Variants in PLCG2 observed in about 807,000 individuals in gnomAD.
PLCG2 encodes the protein 1-phosphatidylinositol 4,5-bisphosphate phosphodiesterase gamma-2.
PLCG2 carries 69 observed loss-of-function variants against 175.6 expected under a neutral mutation model. The ratio of observed to expected loss-of-function variants is 0.39; its 90% CI spans 0.32 to 0.48. The LOEUF (loss-of-function observed/expected upper bound fraction) is 0.48, where lower values mean the gene tolerates loss of function less well. Ranked by LOEUF, PLCG2 falls within the 20% of genes least tolerant of loss-of-function variation. PLCG2 has a pLI of 0.91. For missense variants in PLCG2, 1,798 were observed against 1,650.9 expected, an observed-to-expected ratio of 1.09 and a Z score of -1.54; for synonymous variants, 827 against 624.0, an observed-to-expected ratio of 1.33 and a Z score of -4.85.
chr16:81,950,382 G>A (rs1333096688), intron 31 of PLCG2, among the ~76,000 whole-genome samples: 1 of 152,118 alleles, frequency 6.6e-6, no homozygotes, highest in Non-Finnish European at 1.5e-5. Context: ...GGATATAAAA[G>A]TCATTAGCAA....
At chr16:81,773,908 C>T (rs992690205) in intron 2 of PLCG2, among the ~76,000 whole-genome samples, 5 of 152,126 alleles carry the variant, frequency 3.3e-5, no homozygotes, top group African/African-American at 4.8e-5. Flanking sequence ...CTGTGCCCAT[C>T]ATGCAGGACT....
Position 81,912,734 on chromosome 16 carries a change from A to C in PLCG2, c.2054+18A>C. 6.3e-7 allele frequency: 1 copy of C among 1,583,024 alleles called. No homozygotes were observed. The highest frequency in any genetic ancestry group is 8.6e-7 in the Non-Finnish European group (1 of 1,165,468). ...ACCTTCAGGTGGGTGCGAGGGTGGG[A>C]GGCACATGCTCTACAGAGGGGCTTG... On this transcript the variant is annotated intron_variant, in intron 19 of 32. Coordinates refer to ENST00000564138, the MANE Select transcript of PLCG2 (RefSeq NM_002661.5).
At chr16:81,882,717 G>A (rs1295191159) in intron 8 of PLCG2, among the ~76,000 whole-genome samples, 1 of 151,420 alleles carries the variant, frequency 6.6e-6, no homozygotes, top group Admixed American at 6.6e-5. Flanking sequence ...GGTACTCTCT[G>A]CACCTCCTTC....
chr16:81,843,352 C>G (rs1236009931), intron 2 of PLCG2, among the ~76,000 whole-genome samples: 1 of 152,198 alleles, frequency 6.6e-6, no homozygotes, highest in Non-Finnish European at 1.5e-5. Context: ...TACGTGCACA[C>G]TTACAAATAG....
At chr16:81,941,805 G>A (rs1008638043) in intron 30 of PLCG2, among the ~76,000 whole-genome samples, 10 of 151,700 alleles carry the variant, frequency 6.6e-5, no homozygotes, top group Non-Finnish European at 1.2e-4. Flanking sequence ...TCAGTAGCTG[G>A]GACTACAGGT....
intron 2 of PLCG2, among the ~76,000 whole-genome samples, chr16:81,827,551 C>T (rs544628898): frequency 2.1e-4 from 32 of 152,120 alleles, no homozygotes; most frequent in Non-Finnish European, 2.8e-4. Context: ...AACATAAATA[C>T]CTGCAGGCAG....
chr16:81,742,077 G>T (rs758397666), intron 1 of PLCG2, among the ~76,000 whole-genome samples: 1 of 139,474 alleles, frequency 7.2e-6, no homozygotes, highest in African/African-American at 2.8e-5. Context: ...AATTCTACTC[G>T]CTTCCTCCAT....
intron 2 of PLCG2, among the ~76,000 whole-genome samples, chr16:81,851,514 T>C (rs143840723): frequency 7.0e-4 from 107 of 152,200 alleles, no homozygotes; most frequent in African/African-American, 2.5e-3. Flanking sequence ...CTTTTTGTTG[T>C]TGTTGTTGTT....
intron 1 of PLCG2, among the ~76,000 whole-genome samples, chr16:81,749,498 G>A (rs1157178007): frequency 3.9e-5 from 6 of 152,034 alleles, no homozygotes; most frequent in South Asian, 2.1e-4. Flanking sequence ...GATTACAGGC[G>A]CCTGCCACCA....
intron 7 of PLCG2, among the ~76,000 whole-genome samples, chr16:81,879,377 A>G (rs945582512): frequency 3.3e-5 from 5 of 152,210 alleles, no homozygotes; most frequent in Admixed American, 6.5e-5. Flanking sequence ...TTACACATCA[A>G]CGAAAGGAAG....
At position 81,908,476 on chromosome 16, in the gene PLCG2, A is replaced by G; in HGVS notation, c.1618A>G (p.Arg540Gly). 6.2e-7 allele frequency: 1 copy of G among 1,614,168 alleles called. No homozygotes were observed. The highest frequency in any genetic ancestry group is 8.5e-7 in the Non-Finnish European group (1 of 1,180,014). Residue 540 changes from arginine (R) to glycine (G), a missense_variant, in exon 17 of 33, where the codon AGG (arginine) becomes GGG (glycine). Physicochemically the swap from Arg to Gly is moderately radical, Grantham distance 125 (BLOSUM62 -2). Transcript: ENST00000564138. ...EKWFHKKVEKRTSAEKLLQEY... is the reference protein window; with the variant it reads ...EKWFHKKVEKGTSAEKLLQEY... Reference sequence around the variant, plus strand: ...ATGGTTCCACAAGAAGGTGGAGAAGAGGACGAGTGCCGAGAAGTTGCTGCA... The same window carrying G: ...ATGGTTCCACAAGAAGGTGGAGAAGGGGACGAGTGCCGAGAAGTTGCTGCA...
chr16:81,950,087 A>G (rs758520133), intron 31 of PLCG2, among the ~76,000 whole-genome samples: 18 of 152,244 alleles, frequency 1.2e-4, no homozygotes, highest in African/African-American at 3.4e-4. Flanking sequence ...AAGAATCAGA[A>G]TAAGTTAAAG....
At chr16:81,870,778 A>G (rs1907475522) in intron 6 of PLCG2, 74 bp from the exon 7 acceptor site, 2 of 751,482 alleles carry the variant, frequency 2.7e-6, no homozygotes, top group East Asian at 2.7e-5. Context: ...AACAAAAATT[A>G]TTCTATAAAT....
intron 1 of PLCG2, among the ~76,000 whole-genome samples, chr16:81,748,710 G>C (rs137965093): frequency 6.6e-6 from 1 of 152,266 alleles, no homozygotes; most frequent in African/African-American, 2.4e-5. Context: ...CCCAGACTCG[G>C]ATCTCCTATT....
At position 81,942,978 on chromosome 16, in the gene PLCG2, G is replaced by T. The variant is rs189750961; in HGVS notation, c.3481+2919G>T. Among the ~76,000 whole-genome samples the T allele has an allele frequency of 3.3e-3, 505 of 152,064 alleles. 2 individuals carry two copies. The highest frequency in any genetic ancestry group is 0.017 in the Middle Eastern group (5 of 294). On this transcript the variant is annotated intron_variant, in intron 30 of 32. Transcript: ENST00000564138. ...TGCATAAAAATGGGACTTGGGCAGCGAGAGAAGGTACATAGAGCTGGAGAC... is the reference window on the plus strand; with the variant it reads ...TGCATAAAAATGGGACTTGGGCAGCTAGAGAAGGTACATAGAGCTGGAGAC...
At chr16:81,835,797 G>A (rs1905483223) in intron 2 of PLCG2, among the ~76,000 whole-genome samples, 1 of 152,076 alleles carries the variant, frequency 6.6e-6, no homozygotes, top group South Asian at 2.1e-4. Flanking sequence ...AGGCTCTAGG[G>A]GAGGATCCTT....
At chr16:81,821,169 G>A (rs757058125) in intron 2 of PLCG2, among the ~76,000 whole-genome samples, 1 of 152,240 alleles carries the variant, frequency 6.6e-6, no homozygotes, top group Non-Finnish European at 1.5e-5. Flanking sequence ...TGGGATTACA[G>A]GCGTGCGTGA....
intron 3 of PLCG2, 76 bp from the exon 4 acceptor site, chr16:81,858,187 G>T: frequency 5.8e-6 from 6 of 1,034,226 alleles, no homozygotes; most frequent in Non-Finnish European, 9.2e-6. Flanking sequence ...TTCGTGATCT[G>T]TATGGGGCAG....
chr16:81,784,834 A>C (rs917774572), intron 1 of PLCG2, among the ~76,000 whole-genome samples: 3 of 152,078 alleles, frequency 2.0e-5, no homozygotes, highest in African/African-American at 7.2e-5. Flanking sequence ...CTGGTGGTTC[A>C]GCTCCAGGGC....
Sources: allele counts gnomAD v4.1 joint callset (sites outside exome capture counted in the v4.1 genomes callset), GRCh38; gene constraint gnomAD v4.1.1; transcripts MANE v1.5; gene names NCBI Gene and HGNC (gene_info 2026-07-23, HGNC 2026-07-21).